ZNF385D: variants seen among roughly 807,000 people sequenced by gnomAD.
ZNF385D encodes the protein zinc finger protein 385D, also known as zinc finger protein 659.
ZNF385D carries 15 observed loss-of-function variants against 35.8 expected under a neutral mutation model. That is an observed-to-expected ratio of 0.42 (90% CI 0.28 to 0.64). ZNF385D has a LOEUF of 0.64. Ranked by LOEUF, ZNF385D falls within the 30% of genes least tolerant of loss-of-function variation. The probability of loss-of-function intolerance (pLI) is 0.23; values close to 1 mark genes in which losing one functional copy is unlikely to be tolerated. For missense variants in ZNF385D, 474 were observed against 494.6 expected (o/e 0.96, Z 0.39); for synonymous variants, 212 against 186.8 (o/e 1.13, Z -1.10).
intron 3 of ZNF385D, among the ~76,000 whole-genome samples, chr3:22,152,940 C>A (rs926530609): frequency 6.6e-6 from 1 of 152,120 alleles, no homozygotes; most frequent in Admixed American, 6.5e-5. Flanking sequence ...TTTTCAACAA[C>A]CAATTGTGTG....
At chr3:21,492,601 G>A (rs921684109) in intron 4 of ZNF385D, among the ~76,000 whole-genome samples, 8 of 150,622 alleles carry the variant, frequency 5.3e-5, no homozygotes, top group Non-Finnish European at 1.0e-4. Context: ...TGACCAATAC[G>A]GTGAAACCTC....
intron 3 of ZNF385D, among the ~76,000 whole-genome samples, chr3:21,846,285 C>T (rs1226210623): frequency 2.6e-5 from 4 of 151,998 alleles, no homozygotes; most frequent in African/African-American, 4.8e-5. Flanking sequence ...TAGCTTTTCA[C>T]ATTTTTAGAC....
chr3:22,038,515 T>C (rs1698471678), intron 3 of ZNF385D, among the ~76,000 whole-genome samples: 1 of 152,060 alleles, frequency 6.6e-6, no homozygotes, highest in Non-Finnish European at 1.5e-5. Context: ...AAATGTTATT[T>C]GTACTGTTGT....
intron 1 of ZNF385D, among the ~76,000 whole-genome samples, chr3:21,696,162 A>G (rs1455094224): frequency 6.6e-6 from 1 of 152,202 alleles, no homozygotes; most frequent in Non-Finnish European, 1.5e-5. Context: ...TTTTCAGAGT[A>G]GAGAGAAGAC....
At chr3:21,914,791 G>A (rs1053782659) in intron 3 of ZNF385D, among the ~76,000 whole-genome samples, 3 of 151,792 alleles carry the variant, frequency 2.0e-5, no homozygotes, top group South Asian at 2.1e-4. Context: ...TTATTAAAAA[G>A]CCACTTCATT....
intron 3 of ZNF385D, among the ~76,000 whole-genome samples, chr3:21,981,146 G>A (rs891921980): frequency 6.6e-6 from 1 of 152,114 alleles, no homozygotes; most frequent in African/African-American, 2.4e-5. Flanking sequence ...TCACTATGCT[G>A]CTTTCCACAA....
chr3:21,550,611 T>A lies in ZNF385D; in HGVS notation c.276+13963A>T, dbSNP rs562089823. On this transcript the variant is annotated intron_variant, in intron 3 of 7. Transcript: ENST00000281523. ...GATTCTCCCGCCTCAGCCTCCTTAG[T>A]AGCTGGGATTGCAGGCGCGTGCCAC... 3.1e-4 allele frequency among the ~76,000 whole-genome samples: 47 copies of A among 152,292 alleles called. No homozygotes were observed. The South Asian group carries it at 9.7e-3, about 32-fold the overall frequency.
intron 2 of ZNF385D, among the ~76,000 whole-genome samples, chr3:22,169,291 T>C (rs1337883203): frequency 1.3e-5 from 2 of 152,218 alleles, no homozygotes; most frequent in African/African-American, 2.4e-5. Context: ...TTAATTATCA[T>C]AACAATGTAA....
intron 2 of ZNF385D, among the ~76,000 whole-genome samples, chr3:22,232,360 T>G (rs1698944222): frequency 6.6e-6 from 1 of 152,154 alleles, no homozygotes; most frequent in African/African-American, 2.4e-5. Context: ...ACTTTGTATT[T>G]TTCTCTGAGA....
At chr3:21,873,704 G>C (rs1246965538) in intron 3 of ZNF385D, among the ~76,000 whole-genome samples, 1 of 152,026 alleles carries the variant, frequency 6.6e-6, no homozygotes, top group Non-Finnish European at 1.5e-5. Flanking sequence ...GACCACTTTA[G>C]ATAACTTCTG....
intron 3 of ZNF385D, among the ~76,000 whole-genome samples, chr3:22,127,512 G>A (rs989031848): frequency 3.3e-5 from 5 of 151,126 alleles, no homozygotes; most frequent in African/African-American, 1.2e-4. Context: ...GTTAATTTTT[G>A]TACTTTTAGT....
intron 1 of ZNF385D, among the ~76,000 whole-genome samples, chr3:21,722,914 G>A (rs1266113320): frequency 3.3e-5 from 5 of 152,080 alleles, no homozygotes; most frequent in Non-Finnish European, 5.9e-5. Flanking sequence ...TGGATGTTGG[G>A]TCTATGACCT....
chr3:21,704,396 CACTGGGTT>C (rs1368188792), intron 1 of ZNF385D, among the ~76,000 whole-genome samples: 1 of 152,064 alleles, frequency 6.6e-6, no homozygotes, highest in Non-Finnish European at 1.5e-5. Flanking sequence ...TTCCTGTAGT[CACTGGGTT>C]ACCTGTCTTC....
At position 21,958,532 on chromosome 3, in the gene ZNF385D, A is replaced by C. The variant is rs145162758; in HGVS notation, c.325+210285T>G. ...TAGGGGCTCTTATTTTGTTGATATC[A>C]CTCTTATTTGTAACTGACAAGAAGC... On this transcript the variant is annotated intron_variant, in intron 3 of 5. Transcript: ENST00000494108. Among the ~76,000 whole-genome samples the C allele has an allele frequency of 2.1e-3, 322 of 152,180 alleles. 1 individual carries two copies. The highest frequency in any genetic ancestry group is 7.3e-3 in the African/African-American group (303 of 41,512).
rs143594156 is a variant in ZNF385D at position 21,481,948 on chromosome 3, G to T, written c.439+28913C>A. 4.1e-3 allele frequency among the ~76,000 whole-genome samples: 627 copies of T among 152,078 alleles called. 16 individuals are homozygous for T. The highest frequency in any genetic ancestry group is 5.4e-4 in the Non-Finnish European group (37 of 67,982). ...ACACTACTCTCAACATTTTCTTTAGGTTCAGTGTTGCAGTTCCATCACATG... is the reference window on the plus strand; with the variant it reads ...ACACTACTCTCAACATTTTCTTTAGTTTCAGTGTTGCAGTTCCATCACATG... On this transcript the variant is annotated intron_variant, in intron 4 of 7. Coordinates refer to ENST00000281523, the MANE Select transcript of ZNF385D (RefSeq NM_024697.3).
chr3:22,204,735 A>G (rs1361140357), intron 2 of ZNF385D, among the ~76,000 whole-genome samples: 1 of 151,786 alleles, frequency 6.6e-6, no homozygotes, highest in African/African-American at 2.4e-5. Flanking sequence ...GAAAAATGCC[A>G]TATATCATTC....
At chr3:22,073,239 T>C (rs1700311824) in intron 3 of ZNF385D, among the ~76,000 whole-genome samples, 1 of 151,712 alleles carries the variant, frequency 6.6e-6, no homozygotes, top group African/African-American at 2.4e-5. Context: ...TGCAGACAAA[T>C]CTAATAAGAT....
chr3:22,041,317 C>T (rs1296092335), intron 3 of ZNF385D, among the ~76,000 whole-genome samples: 3 of 152,076 alleles, frequency 2.0e-5, no homozygotes, highest in African/African-American at 7.2e-5. Flanking sequence ...CTCTGATTGG[C>T]AAGGCAAGGA....
intron 2 of ZNF385D, among the ~76,000 whole-genome samples, chr3:22,237,334 T>A (rs1699245134): frequency 6.6e-6 from 1 of 152,216 alleles, no homozygotes; most frequent in Admixed American, 6.5e-5. Context: ...TGGAGAAGTA[T>A]CCCTTTAAAT....
Sources: gnomAD v4.1 joint callset for allele counts (sites outside exome capture counted in the v4.1 genomes callset) on GRCh38, gnomAD v4.1.1 for gene constraint, MANE v1.5 for transcripts, NCBI Gene and HGNC (gene_info 2026-07-23, HGNC 2026-07-21) for gene names.